Variants in GABARAPL1 observed in about 807,000 individuals in gnomAD.
GABARAPL1 encodes GABA type A receptor associated protein like 1, also known as gamma-aminobutyric acid receptor-associated protein-like 1.
A neutral mutation model predicts 14.5 loss-of-function variants in GABARAPL1; 4 were observed. The observed-to-expected ratio is 0.28, with a 90% CI of 0.14 to 0.63. The LOEUF (loss-of-function observed/expected upper bound fraction) is 0.63, where lower values mean the gene tolerates loss of function less well. GABARAPL1 is among the 30% of genes least tolerant of loss of function. The pLI is 0.84. For synonymous variants in GABARAPL1, 47 were observed against 50.6 expected, an observed-to-expected ratio of 0.93 and a Z score of 0.30; for missense variants, 82 against 139.2, an observed-to-expected ratio of 0.59 and a Z score of 2.07.
intron 1 of GABARAPL1, 142 bp downstream of exon 1, chr12:10,213,361 G>A: frequency 1.4e-6 from 1 of 707,522 alleles, no homozygotes. Context: ...ACGCCCTTCA[G>A]TGCCAGAGCC....
rs545606552 is a variant in GABARAPL1, at chr12:10,213,282, C to G, written c.90+63C>G. ...GCCCGCGGGGGCGGGGGCGGGTAGT[C>G]GAGATGGCTTCCCTGGGGCGCCCAG... On this transcript the variant is annotated intron_variant, in intron 1 of 3. Transcript: ENST00000266458. 5.8e-6 allele frequency: 6 copies of G among 1,029,016 alleles called. No homozygotes were observed. In the East Asian group the frequency reaches 1.3e-4, roughly 22 times the overall value. The allele number at this position is 1,029,016 out of a possible 1,614,324, so 63.7% of individuals were successfully genotyped here.
At chr12:10,220,374 T>C in intron 2 of GABARAPL1, 66 bp from the exon 3 acceptor site, 1 of 1,604,590 alleles carries the variant, frequency 6.2e-7, no homozygotes, top group Middle Eastern at 2.3e-4. Flanking sequence ...TTTCCAGGAC[T>C]TACCCTTCTA....
intron 2 of GABARAPL1, among the ~76,000 whole-genome samples, chr12:10,218,345 G>A (rs1033137790): frequency 2.0e-5 from 3 of 152,150 alleles, no homozygotes; most frequent in Non-Finnish European, 4.4e-5. Context: ...AGACTGAGGC[G>A]GGTGGATCAT....
chr12:10,214,953 T>A (rs1949079831), intron 1 of GABARAPL1, among the ~76,000 whole-genome samples: 1 of 152,234 alleles, frequency 6.6e-6, no homozygotes, highest in Admixed American at 6.5e-5. Context: ...CATAGTTTGG[T>A]GTTAAATGTT....
chr12:10,214,074 G>T (rs1949074157), intron 1 of GABARAPL1: 1 of 317,064 alleles, frequency 3.2e-6, no homozygotes, highest in Admixed American at 3.9e-5. Context: ...TCTAATGCAG[G>T]CTGCGCAGCC....
chr12:10,213,994 T>C, intron 1 of GABARAPL1: 1 of 388,168 alleles, frequency 2.6e-6, no homozygotes. Context: ...AACAGAAAAG[T>C]ATTAGGTATC....
At chr12:10,220,798 G>T in intron 3 of GABARAPL1, 1 of 1,453,200 alleles carries the variant, frequency 6.9e-7, no homozygotes, top group South Asian at 1.4e-5. Flanking sequence ...AGTCTTGTCT[G>T]ACTATAGTGT....
chr12:10,217,229 ATAT>A (rs1339926388), intron 1 of GABARAPL1, among the ~76,000 whole-genome samples: 2 of 152,186 alleles, frequency 1.3e-5, no homozygotes, highest in African/African-American at 4.8e-5. Flanking sequence ...TGCTGACATC[ATAT>A]TATAGGATAT....
rs550059997 is a variant in GABARAPL1, at chr12:10,213,470, T to G, written c.90+251T>G. The G allele has an allele frequency of 1.5e-4, 76 of 511,008 alleles. No homozygotes were observed. In the Admixed American group the frequency reaches 1.6e-3, roughly 11 times the overall value. 31.7% of individuals were successfully genotyped at this position (511,008 alleles called of 1,614,324 possible). A position where few individuals can be genotyped will look rare whatever the true frequency, so the allele number is the denominator to read the frequency against. On this transcript the variant is annotated intron_variant, in intron 1 of 3. Coordinates refer to ENST00000266458, the MANE Select transcript of GABARAPL1 (RefSeq NM_031412.4). ...CGTTTTGGGGGCCGAGCCGCCGTCT[T>G]CAGTGACTCAGCAACCCACACACGG...
rs1949121865 is a variant in GABARAPL1, at chr12:10,221,907, G to A, written c.*55G>A. 6.5e-6 allele frequency: 10 copies of A among 1,528,956 alleles called. No homozygotes were observed. The highest frequency in any genetic ancestry group is 3.4e-5 in the South Asian group (3 of 88,950). 94.7% of individuals were successfully genotyped at this position (1,528,956 alleles called of 1,614,324 possible). A position where few individuals can be genotyped will look rare whatever the true frequency, so the allele number is the denominator to read the frequency against. ...CTGGACTTGGGGGTAGGGGAGGGGT[G>A]TGTGTGCGCGACATGGGGAAAGAGG... On this transcript the variant is annotated 3_prime_UTR_variant, in exon 4 of 4. Transcript: ENST00000266458.
intron 3 of GABARAPL1, 94 bp from the exon 4 acceptor site, chr12:10,221,693 T>C: frequency 7.1e-7 from 1 of 1,402,312 alleles, no homozygotes; most frequent in South Asian, 1.2e-5. Context: ...AATGATACCT[T>C]CCATACCTGC....
chr12:10,220,185 A>G (rs879663055), intron 2 of GABARAPL1, among the ~76,000 whole-genome samples: 1 of 152,168 alleles, frequency 6.6e-6, no homozygotes, highest in African/African-American at 2.4e-5. Context: ...TGCTAACATG[A>G]GGTCTGAGAT....
At chr12:10,213,406 C>T in intron 1 of GABARAPL1, 187 bp downstream of exon 1, 2 of 672,124 alleles carry the variant, frequency 3.0e-6, no homozygotes, top group Non-Finnish European at 5.5e-6. Context: ...TTTAAAACCC[C>T]GTATGCCTGG....
At chr12:10,216,199 A>G (rs946763852) in intron 1 of GABARAPL1, among the ~76,000 whole-genome samples, 1 of 151,826 alleles carries the variant, frequency 6.6e-6, no homozygotes, top group African/African-American at 2.4e-5. Context: ...GTGAAACCCC[A>G]TCTCTACTAA....
chr12:10,218,707 T>C (rs1949103805), intron 2 of GABARAPL1, among the ~76,000 whole-genome samples: 1 of 151,696 alleles, frequency 6.6e-6, no homozygotes, highest in African/African-American at 2.4e-5. Context: ...AATTAATTAA[T>C]TAATTAATAT....
intron 2 of GABARAPL1, 57 bp from the exon 3 acceptor site, chr12:10,220,382 CT>C: frequency 6.2e-7 from 1 of 1,608,080 alleles, no homozygotes; most frequent in Non-Finnish European, 8.5e-7. Flanking sequence ...ACTTACCCTT[CT>C]ACTAATTCCT....
Position 10,222,888 on chromosome 12 carries a change from G to C in GABARAPL1, c.*1036G>C, listed in dbSNP as rs1213853035. ...CAGCTGCTAGTTAGAAAGGTTTGGA[G>C]GGATGACTTTTAGTAAATCATGGGG... On this transcript the variant is annotated 3_prime_UTR_variant, in exon 4 of 4. Transcript: ENST00000266458. The C allele has an allele frequency of 6.6e-6, 1 of 152,588 alleles. No homozygotes were observed. Among genetic ancestry groups the C allele is most frequent in the Non-Finnish European group, 1.5e-5 (1 of 68,036 alleles). 9.5% of individuals were successfully genotyped at this position (152,588 alleles called of 1,614,324 possible).
chr12:10,221,921 T>C lies in GABARAPL1; in HGVS notation c.*69T>C, dbSNP rs1438827128. The C allele has an allele frequency of 6.9e-7, 1 of 1,439,438 alleles. No homozygotes were observed. The highest frequency in any genetic ancestry group is 9.7e-7 in the Non-Finnish European group (1 of 1,025,826). 89.2% of individuals were successfully genotyped at this position (1,439,438 alleles called of 1,614,324 possible). Reference sequence around the variant, plus strand: ...AGGGGAGGGGTGTGTGTGCGCGACATGGGGAAAGAGGGTGGCTCCCACCGC... The same window carrying C: ...AGGGGAGGGGTGTGTGTGCGCGACACGGGGAAAGAGGGTGGCTCCCACCGC... On this transcript the variant is annotated 3_prime_UTR_variant, in exon 4 of 4. Coordinates refer to ENST00000266458, the MANE Select transcript of GABARAPL1 (RefSeq NM_031412.4).
At chr12:10,219,339 A>AC (rs998307013) in intron 2 of GABARAPL1, among the ~76,000 whole-genome samples, 69 of 151,838 alleles carry the variant, frequency 4.5e-4, no homozygotes, top group South Asian at 1.0e-3. Flanking sequence ...AAAACAAAAA[A>AC]AAAAAACCCC....
Sources: allele counts gnomAD v4.1 joint callset (sites outside exome capture counted in the v4.1 genomes callset), GRCh38; gene constraint gnomAD v4.1.1; transcripts MANE v1.5; gene names NCBI Gene and HGNC (gene_info 2026-07-23, HGNC 2026-07-21).